The following MECOM variants were observed in gnomAD, a reference collection of about 807,000 sequenced individuals.
The protein encoded by MECOM is MDS1 and EVI1 complex locus.
A neutral mutation model predicts 116.3 loss-of-function variants in MECOM; 13 were observed. The ratio of observed to expected loss-of-function variants is 0.11; its 90% CI spans 0.07 to 0.18. The LOEUF (loss-of-function observed/expected upper bound fraction) is 0.18, where lower values mean the gene tolerates loss of function less well. Ranked by LOEUF, MECOM falls within the 10% of genes least tolerant of loss-of-function variation. The pLI, the probability that MECOM is intolerant of heterozygous loss-of-function variation, is 1.00. For missense variants in MECOM, 1,299 were observed against 1,509.0 expected, an observed-to-expected ratio of 0.86 and a Z score of 2.31; for synonymous variants, 528 against 535.2, an observed-to-expected ratio of 0.99 and a Z score of 0.19.
At chr3:169,336,080 T>A (rs772257307) in intron 2 of MECOM, among the ~76,000 whole-genome samples, 1 of 152,252 alleles carries the variant, frequency 6.6e-6, no homozygotes, top group Non-Finnish European at 1.5e-5. Flanking sequence ...TTGGTGTTAC[T>A]GTTTCTAATA....
rs116828267 is a variant in MECOM at position 169,234,358 on chromosome 3, A to G, written c.376-90526T>C. Reference sequence around the variant, plus strand: ...CTATCAAGATTCTTCAGTACTTTTAAGTTAAGCAGATTGAATTGAACCATC... The same window carrying G: ...CTATCAAGATTCTTCAGTACTTTTAGGTTAAGCAGATTGAATTGAACCATC... On this transcript the variant is annotated intron_variant, in intron 2 of 16. Transcript: ENST00000651503. Among the ~76,000 whole-genome samples, 752 of 152,214 alleles carry G rather than the reference A, an allele frequency of 4.9e-3. 1 individual carries two copies. The highest frequency in any genetic ancestry group is 8.8e-3 in the Admixed American group (134 of 15,280).
At chr3:169,325,726 C>T (rs1560134214) in intron 2 of MECOM, among the ~76,000 whole-genome samples, 1 of 152,168 alleles carries the variant, frequency 6.6e-6, no homozygotes, top group African/African-American at 2.4e-5. Flanking sequence ...CCTTTCAGCT[C>T]CCCTTTAATA....
chr3:169,217,548 G>A (rs1472557794), intron 2 of MECOM, among the ~76,000 whole-genome samples: 1 of 152,088 alleles, frequency 6.6e-6, no homozygotes, highest in African/African-American at 2.4e-5. Flanking sequence ...ACTTTGGGAG[G>A]CCAAGGCGGG....
intron 2 of MECOM, among the ~76,000 whole-genome samples, chr3:169,329,597 T>C (rs1722404904): frequency 6.6e-6 from 1 of 152,246 alleles, no homozygotes; most frequent in Non-Finnish European, 1.5e-5. Flanking sequence ...CTGTCCAGTT[T>C]ATATTGCCTC....
At chr3:169,186,688 A>G (rs1746820091) in intron 2 of MECOM, among the ~76,000 whole-genome samples, 1 of 152,114 alleles carries the variant, frequency 6.6e-6, no homozygotes, top group Non-Finnish European at 1.5e-5. Flanking sequence ...TTTCTCCTCA[A>G]ATGACTATGT....
intron 2 of MECOM, among the ~76,000 whole-genome samples, chr3:169,237,364 T>A (rs1231573858): frequency 6.6e-6 from 1 of 152,144 alleles, no homozygotes; most frequent in Non-Finnish European, 1.5e-5. Flanking sequence ...TCTGAATAAG[T>A]ACCAAAGGAT....
chr3:169,663,022 C>G (rs1204120359), intron 1 of MECOM, among the ~76,000 whole-genome samples: 1 of 137,448 alleles, frequency 7.3e-6, no homozygotes. Context: ...CGCTCACTCT[C>G]GCGCTCTCTC....
intron 1 of MECOM, among the ~76,000 whole-genome samples, chr3:169,392,312 GACTTC>G (rs973051952): frequency 6.6e-6 from 1 of 152,174 alleles, no homozygotes; most frequent in African/African-American, 2.4e-5. Flanking sequence ...AGATGTCCCA[GACTTC>G]ACTAGTTTTG....
chr3:169,513,283 A>G (rs1756210338), intron 1 of MECOM, among the ~76,000 whole-genome samples: 1 of 152,256 alleles, frequency 6.6e-6, no homozygotes. Context: ...CCACATGCAC[A>G]CAGTGAAGGC....
At chr3:169,373,731 A>C (rs1036185396) in intron 2 of MECOM, among the ~76,000 whole-genome samples, 1 of 151,976 alleles carries the variant, frequency 6.6e-6, no homozygotes, top group African/African-American at 2.4e-5. Context: ...CAATTGGAGT[A>C]GTTTCCCTAG....
At chr3:169,628,606 A>G (rs1771674302) in intron 1 of MECOM, among the ~76,000 whole-genome samples, 1 of 152,208 alleles carries the variant, frequency 6.6e-6, no homozygotes, top group Admixed American at 6.5e-5. Flanking sequence ...TTGGCAAGGT[A>G]CACACAAGAC....
chr3:169,425,099 A>ACC (rs5854331), intron 1 of MECOM, among the ~76,000 whole-genome samples: 11,294 of 146,750 alleles, frequency 0.077, 516 homozygotes, highest in African/African-American at 0.14. Context: ...ATTTGCAGAA[A>ACC]CCCCCCCCCA....
At chr3:169,269,635 G>A (rs867541991) in intron 2 of MECOM, among the ~76,000 whole-genome samples, 4 of 152,192 alleles carry the variant, frequency 2.6e-5, no homozygotes, top group African/African-American at 9.6e-5. Context: ...TTGGCCTCCT[G>A]CTCAATAAAA....
rs75410931 is a variant in MECOM at position 169,154,168 on chromosome 3, G to C, written c.376-10336C>G. Among the ~76,000 whole-genome samples the C allele has an allele frequency of 8.2e-3, 1,241 of 152,182 alleles. 8 individuals are homozygous for C. Among genetic ancestry groups the C allele is most frequent in the Middle Eastern group, 0.014 (4 of 294 alleles). On this transcript the variant is annotated intron_variant, in intron 2 of 16. Transcript: ENST00000651503. ...GTTCTCTGCCAGTCAGTAAGAGAGAGTATTCTGCAGCAAAGGTGGAATACC... is the reference window on the plus strand; with the variant it reads ...GTTCTCTGCCAGTCAGTAAGAGAGACTATTCTGCAGCAAAGGTGGAATACC...
chr3:169,206,465 A>C (rs544423002), intron 2 of MECOM, among the ~76,000 whole-genome samples: 1 of 152,252 alleles, frequency 6.6e-6, no homozygotes, highest in Non-Finnish European at 1.5e-5. Flanking sequence ...GTGTTTAAAA[A>C]TTATGGCCAG....
intron 2 of MECOM, among the ~76,000 whole-genome samples, chr3:169,197,339 TAAATA>T (rs56353314): frequency 0.8 from 118,099 of 147,834 alleles, 47,420 homozygotes; most frequent in East Asian, 0.94. Context: ...AATAAATAAA[TAAATA>T]AAATAAAATA....
intron 1 of MECOM, among the ~76,000 whole-genome samples, chr3:169,419,168 G>A (rs956004890): frequency 6.6e-5 from 10 of 152,122 alleles, no homozygotes; most frequent in East Asian, 1.9e-4. Context: ...AATAAAATAC[G>A]TAGAAATACA....
At chr3:169,227,332 T>C (rs944350955) in intron 2 of MECOM, among the ~76,000 whole-genome samples, 1 of 152,208 alleles carries the variant, frequency 6.6e-6, no homozygotes, top group African/African-American at 2.4e-5. Context: ...CAGGTACACA[T>C]ATAAATAAAT....
chr3:169,114,532 C>T (rs372538542), intron 8 of MECOM, among the ~76,000 whole-genome samples: 4 of 152,012 alleles, frequency 2.6e-5, no homozygotes, highest in Admixed American at 1.3e-4. Context: ...GAAAATACTC[C>T]GATGTTAAAT....
Sources: gnomAD v4.1 joint callset for allele counts (sites outside exome capture counted in the v4.1 genomes callset) on GRCh38, gnomAD v4.1.1 for gene constraint, MANE v1.5 for transcripts, NCBI Gene and HGNC (gene_info 2026-07-23, HGNC 2026-07-21) for gene names.